The following CHRD variants were observed in gnomAD, a reference collection of about 807,000 sequenced individuals.
CHRD encodes the protein chordin.
Under a neutral mutation model 113.7 loss-of-function variants are expected in CHRD, and 69 were observed. That is an observed-to-expected ratio of 0.61 (90% CI 0.50 to 0.74). The LOEUF (loss-of-function observed/expected upper bound fraction) is 0.74. Ranked by LOEUF, CHRD falls within the 30% of genes least tolerant of loss-of-function variation. CHRD has a pLI of 0.00. For missense variants in CHRD, 1,194 were observed against 1,295.8 expected, an observed-to-expected ratio of 0.92 and a Z score of 1.21; for synonymous variants, 561 against 540.8, an observed-to-expected ratio of 1.04 and a Z score of -0.52.
At chr3:184,386,881 C>T (rs1210129784) in exon 17 of CHRD, 2 of 1,614,196 alleles carry the variant, frequency 1.2e-6, no homozygotes, top group South Asian at 1.1e-5. Flanking sequence ...GGTGTGCCCA[C>T]CGCCCAGCTG....
rs1716742077 is a variant in CHRD, at chr3:184,388,559, CT to C, written c.2555-27del. The C allele has an allele frequency of 3.1e-6, 5 of 1,599,012 alleles. No individual in the cohort carries two copies. The highest frequency in any genetic ancestry group is 1.3e-5 in the African/African-American group (1 of 74,662). On this transcript the variant is annotated intron_variant, in intron 20 of 22. Coordinates refer to ENST00000204604, the Ensembl canonical transcript of CHRD. The surrounding 1 kb of genome is among the most constrained non-coding windows in gnomAD (Gnocchi z 6.1). ...ATAAAACCTTGTTGGTCCTCCTGGGCTGATCCTTTCTCTTTCCCTCTCAACA... is the reference window on the plus strand; with the variant it reads ...ATAAAACCTTGTTGGTCCTCCTGGGCGATCCTTTCTCTTTCCCTCTCAACA...
Position 184,387,536 on chromosome 3 carries a change from G to T in CHRD, c.2451+59G>T. On this transcript the variant is annotated intron_variant, in intron 19 of 22. Coordinates refer to ENST00000204604, the Ensembl canonical transcript of CHRD. This position sits in a 1 kb window ranked among gnomAD's most constrained non-coding sequence, Gnocchi z 6.1. ...CCAGCGGGGTCTGCAGAGATGGGGAGGGGCTGCCAGGTGAGGAAGGCCCGT... is the reference window on the plus strand; with the variant it reads ...CCAGCGGGGTCTGCAGAGATGGGGATGGGCTGCCAGGTGAGGAAGGCCCGT... 1 of 1,457,266 alleles carries T rather than the reference G, an allele frequency of 6.9e-7. No homozygotes were observed. The allele number at this position is 1,457,266 out of a possible 1,614,324, so 90.3% of individuals were successfully genotyped here.
In CHRD at chr3:184,386,125, C is replaced by T. The variant is rs201020244; in HGVS notation, c.1898C>T (p.Thr633Ile). 548 of 1,614,182 alleles carry T rather than the reference C, an allele frequency of 3.4e-4. 3 individuals carry two copies. In the Middle Eastern group the frequency reaches 3.5e-3, roughly 10 times the overall value. Residue 633 changes from threonine to isoleucine, a missense_variant, in exon 15 of 23, where the codon ACC becomes ATC. Physicochemically the swap from Thr to Ile is moderately conservative, Grantham distance 89. Coordinates refer to ENST00000204604, the Ensembl canonical transcript of CHRD. ...GGCATGGCCTCCCTGATGATCACCACCAAGGGTAGCCCCAGAGGGGAGCTC... is the reference window on the plus strand; with the variant it reads ...GGCATGGCCTCCCTGATGATCACCATCAAGGGTAGCCCCAGAGGGGAGCTC...
At chr3:184,389,392 A>T in exon 23 of CHRD, 5 of 1,613,752 alleles carry the variant, frequency 3.1e-6, no homozygotes, top group Non-Finnish European at 4.2e-6. Context: ...GAACTGATCC[A>T]GAGCTGGAGA....
In CHRD at chr3:184,381,834, C is replaced by G. The variant is rs945911119; in HGVS notation, c.611+19C>G. Reference sequence around the variant, plus strand: ...ACAGGCGGTGAGAAAGGGGAAGGAGCAAGGAGGGGTCAGCTGCCGGGGCCC... The same window carrying G: ...ACAGGCGGTGAGAAAGGGGAAGGAGGAAGGAGGGGTCAGCTGCCGGGGCCC... On this transcript the variant is annotated intron_variant, in intron 5 of 22. Transcript: ENST00000204604. This position sits in a 1 kb window ranked among gnomAD's most constrained non-coding sequence, Gnocchi z 4.7. The G allele has an allele frequency of 6.2e-7, 1 of 1,611,674 alleles. No individual in the cohort carries two copies. Among genetic ancestry groups the G allele is most frequent in the South Asian group, 1.1e-5 (1 of 90,868 alleles).
Position 184,387,104 on chromosome 3 carries a change from G to A in CHRD, c.2344G>A (p.Glu782Lys), listed in dbSNP as rs1448331685. ...GCTGCCAAGGAGCCGGGACCCAGGA[G>A]AGGGTGAGCTGGAAGGGTGCGTGCA... is the stretch of plus-strand genomic sequence containing the variant. The change falls in exon 18 of 23, where the codon GAG becomes AAG. Residue 782 changes from glutamate to lysine, a missense_variant. By Grantham distance (56) the Glu-to-Lys change is moderately conservative. Transcript: ENST00000204604. The surrounding 1 kb of genome is among the most constrained non-coding windows in gnomAD (Gnocchi z 6.1). The A allele has an allele frequency of 1.9e-6, 3 of 1,614,054 alleles. No individual in the cohort carries two copies. The highest frequency in any genetic ancestry group is 1.1e-5 in the South Asian group (1 of 91,078).
Position 184,380,955 on chromosome 3 carries a change from G to T in CHRD, c.252+160G>T. On this transcript the variant is annotated intron_variant, in intron 2 of 22. Transcript: ENST00000204604. This position sits in a 1 kb window ranked among gnomAD's most constrained non-coding sequence, Gnocchi z 6.3. Reference sequence around the variant, plus strand: ...GGGGAATCAGCCCCTCCAATTCTTAGGTGCTGTTACTGATCGCCCACTCTG... The same window carrying T: ...GGGGAATCAGCCCCTCCAATTCTTATGTGCTGTTACTGATCGCCCACTCTG... 3 of 745,602 alleles carry T rather than the reference G, an allele frequency of 4.0e-6. No individual in the cohort carries two copies. The highest frequency in any genetic ancestry group is 7.0e-6 in the Non-Finnish European group (3 of 426,198). The allele number at this position is 745,602 out of a possible 1,614,324, so 46.2% of individuals were successfully genotyped here.
chr3:184,383,593 A>G, exon 12 of CHRD: 2 of 1,614,022 alleles, frequency 1.2e-6, no homozygotes. Context: ...CGGAGGGATC[A>G]GCGCACTGTC....
In CHRD at chr3:184,384,522, C is replaced by T. The variant is rs1715978820; in HGVS notation, c.1441-15C>T. On this transcript the variant is annotated splice_polypyrimidine_tract_variant and intron_variant, in intron 12 of 22. Coordinates refer to ENST00000204604, the Ensembl canonical transcript of CHRD. The surrounding 1 kb of genome is among the most constrained non-coding windows in gnomAD (Gnocchi z 4.4). Reference sequence around the variant, plus strand: ...CGTGTGAGAGCTGAGAAGGCCTATCCTCCCCTGCCCCCAGGCCGTGGGTAT... The same window carrying T: ...CGTGTGAGAGCTGAGAAGGCCTATCTTCCCCTGCCCCCAGGCCGTGGGTAT... The T allele has an allele frequency of 1.3e-6, 2 of 1,496,018 alleles. No individual in the cohort carries two copies. Among genetic ancestry groups the T allele is most frequent in the Non-Finnish European group, 1.8e-6 (2 of 1,123,566 alleles). The allele number at this position is 1,496,018 out of a possible 1,614,324, so 92.7% of individuals were successfully genotyped here.
Position 184,380,447 on chromosome 3 carries a change from G to T in CHRD, c.129G>T (p.Leu43=), listed in dbSNP as rs1715118424. ...CCATCCGTTCTGAGAAGGAGCCGCT[G>T]CCCGTTCGGGGAGCGGCAGGTAGGT... Residue 43 remains leucine, a synonymous_variant, in exon 1 of 23, where the codon CTG becomes CTT. Coordinates refer to ENST00000204604, the Ensembl canonical transcript of CHRD. This position sits in a 1 kb window ranked among gnomAD's most constrained non-coding sequence, Gnocchi z 6.3. 5 of 1,237,044 alleles carry T rather than the reference G, an allele frequency of 4.0e-6. No individual in the cohort carries two copies. Among genetic ancestry groups the T allele is most frequent in the Non-Finnish European group, 5.1e-6 (5 of 985,406 alleles). 76.6% of individuals were successfully genotyped at this position (1,237,044 alleles called of 1,614,324 possible). A position where few individuals can be genotyped will look rare whatever the true frequency, so the allele number is the denominator to read the frequency against.
At chr3:184,386,656 C>T (rs772729183) in exon 16 of CHRD, 1 of 1,611,396 alleles carries the variant, frequency 6.2e-7, no homozygotes, top group African/African-American at 1.3e-5. Flanking sequence ...CTGGGCGGCC[C>T]CGAGACCCCA....
chr3:184,384,643 G>A lies in CHRD; in HGVS notation c.1547G>A (p.Arg516Gln), dbSNP rs763909455. 7 of 1,603,922 alleles carry A rather than the reference G, an allele frequency of 4.4e-6. No individual in the cohort carries two copies. Among genetic ancestry groups the A allele is most frequent in the Middle Eastern group, 1.7e-4 (1 of 6,030 alleles). ...AAGGACTTCCCAGACGGAGAGCTTC[G>A]GGGGCACGTGGCTGCCCTGCCCTAC... Residue 516 changes from arginine (R) to glutamine (Q), a missense_variant, in exon 13 of 23, where the codon CGG becomes CAG. Physicochemically the swap from Arg to Gln is conservative, Grantham distance 43. Coordinates refer to ENST00000204604, the Ensembl canonical transcript of CHRD. The surrounding 1 kb of genome is among the most constrained non-coding windows in gnomAD (Gnocchi z 4.4).
Position 184,383,429 on chromosome 3 carries a change from G to C in CHRD, c.1320+11G>C. On this transcript the variant is annotated intron_variant, in intron 11 of 22. Transcript: ENST00000204604. Reference sequence around the variant, plus strand: ...TCCCTGATCTATCAGGTAAGAGCCAGGGGCTGCAGAAGGTGGGGGAGGGGT... The same window carrying C: ...TCCCTGATCTATCAGGTAAGAGCCACGGGCTGCAGAAGGTGGGGGAGGGGT... 6.2e-7 allele frequency: 1 copy of C among 1,613,618 alleles called. No homozygotes were observed. The highest frequency in any genetic ancestry group is 8.5e-7 in the Non-Finnish European group (1 of 1,179,702).
exon 9 of CHRD, chr3:184,382,910 G>A (rs549967594): frequency 8.1e-6 from 13 of 1,613,964 alleles, no homozygotes; most frequent in East Asian, 6.7e-5. Flanking sequence ...CAGCTACTGC[G>A]AGAACTTCAG....
In CHRD at chr3:184,383,191, C is replaced by T. The variant is rs377236619; in HGVS notation, c.1213+28C>T. The T allele has an allele frequency of 5.1e-5, 81 of 1,591,262 alleles. 1 individual carries two copies. In the South Asian group the frequency reaches 8.2e-4, roughly 16 times the overall value. ...GAGGCGGGGGGGGGGCCTGGTGCGCCGGGCATGCACAACTGAGAGACACAG... is the reference window on the plus strand; with the variant it reads ...GAGGCGGGGGGGGGGCCTGGTGCGCTGGGCATGCACAACTGAGAGACACAG... On this transcript the variant is annotated intron_variant, in intron 10 of 22. Coordinates refer to ENST00000204604, the Ensembl canonical transcript of CHRD.
intron 12 of CHRD, among the ~76,000 whole-genome samples, chr3:184,383,915 C>CA (rs530007701): frequency 6.6e-4 from 101 of 151,952 alleles, no homozygotes; most frequent in Admixed American, 3.2e-3. Context: ...TAGCTGGGAC[C>CA]ACAGGTGTGC....
rs1466860577 is a variant in CHRD, at chr3:184,388,814, G to A, written c.2709+73G>A. The A allele has an allele frequency of 1.2e-6, 2 of 1,604,284 alleles. No homozygotes were observed. Among genetic ancestry groups the A allele is most frequent in the African/African-American group, 1.3e-5 (1 of 74,786 alleles). On this transcript the variant is annotated intron_variant, in intron 21 of 22. Coordinates refer to ENST00000204604, the Ensembl canonical transcript of CHRD. The surrounding 1 kb of genome is among the most constrained non-coding windows in gnomAD (Gnocchi z 6.1). The stretch of plus-strand genomic sequence containing the variant: ...TCTGGAGTAGGGAGACCTTCCCAGG[G>A]AGGTCCCTGAAGAAGCTGAAGGTCA...
In CHRD at chr3:184,381,823, AG is replaced by A; in HGVS notation, c.611+12del. 1 of 1,612,684 alleles carries A rather than the reference AG, an allele frequency of 6.2e-7. No homozygotes were observed. The highest frequency in any genetic ancestry group is 1.7e-5 in the Admixed American group (1 of 59,914). On this transcript the variant is annotated intron_variant, in intron 5 of 22. Transcript: ENST00000204604. This position sits in a 1 kb window ranked among gnomAD's most constrained non-coding sequence, Gnocchi z 4.7. The stretch of plus-strand genomic sequence containing the variant: ...CTCTATCTCCTACAGGCGGTGAGAA[AG>A]GGGAAGGAGCAAGGAGGGGTCAGCT...
exon 14 of CHRD, chr3:184,385,026 G>T (rs138882380): frequency 6.2e-7 from 1 of 1,613,832 alleles, no homozygotes; most frequent in Admixed American, 1.7e-5. Context: ...AGCGCTGCCC[G>T]TGCCCCTAGC....
Sources: allele counts gnomAD v4.1 joint callset (sites outside exome capture counted in the v4.1 genomes callset), GRCh38; gene constraint gnomAD v4.1.1; non-coding constraint Gnocchi (gnomAD v3.1); transcripts MANE v1.5; gene names NCBI Gene and HGNC (gene_info 2026-07-23, HGNC 2026-07-21).